ARHGEF28: variants seen among roughly 807,000 people sequenced by gnomAD.
ARHGEF28 encodes the protein Rho guanine nucleotide exchange factor 28.
Under a neutral mutation model 206.6 loss-of-function variants are expected in ARHGEF28, and 152 were observed. The ratio of observed to expected loss-of-function variants is 0.74; its 90% CI spans 0.64 to 0.84. The LOEUF (loss-of-function observed/expected upper bound fraction) is 0.84, where lower values mean the gene tolerates loss of function less well. Among genes scored for constraint, ARHGEF28 ranks in the 40% least tolerant of loss-of-function variants. The pLI is 0.00. For synonymous variants in ARHGEF28, 763 were observed against 776.4 expected, an observed-to-expected ratio of 0.98 and a Z score of 0.29; for missense variants, 2,028 against 2,073.2, an observed-to-expected ratio of 0.98 and a Z score of 0.42.
chr5:73,673,084 G>A (rs1335709555), intron 1 of ARHGEF28, among the ~76,000 whole-genome samples: 1 of 152,148 alleles, frequency 6.6e-6, no homozygotes, highest in Non-Finnish European at 1.5e-5. Flanking sequence ...GCATAACTCA[G>A]GTAGATAACT....
intron 2 of ARHGEF28, among the ~76,000 whole-genome samples, chr5:73,747,759 T>A (rs1561375538): frequency 2.0e-5 from 3 of 152,202 alleles, no homozygotes; most frequent in Non-Finnish European, 4.4e-5. Context: ...TTAATGGGCA[T>A]GTCTTATTAC....
At chr5:73,643,149 G>A (rs1744228487) in intron 1 of ARHGEF28, among the ~76,000 whole-genome samples, 1 of 152,190 alleles carries the variant, frequency 6.6e-6, no homozygotes, top group African/African-American at 2.4e-5. Flanking sequence ...TTTGAAATAA[G>A]CAATGGTAAC....
chr5:73,706,306 T>TG (rs1211737117), intron 2 of ARHGEF28, among the ~76,000 whole-genome samples: 1 of 152,122 alleles, frequency 6.6e-6, no homozygotes, highest in Non-Finnish European at 1.5e-5. Context: ...ATCACACCGC[T>TG]GCACTCCAGC....
chr5:73,912,715 G>A, intron 35 of ARHGEF28, among the ~76,000 whole-genome samples: 1 of 152,160 alleles, frequency 6.6e-6, no homozygotes, highest in Non-Finnish European at 1.5e-5. Context: ...GAATCGTTCA[G>A]ATTAAATAAA....
At chr5:73,830,215 A>T (rs1343451549) in intron 9 of ARHGEF28, among the ~76,000 whole-genome samples, 1 of 152,170 alleles carries the variant, frequency 6.6e-6, no homozygotes, top group African/African-American at 2.4e-5. Context: ...TTATGGGGAA[A>T]ATTCTGATTT....
chr5:73,773,824 AC>A, intron 4 of ARHGEF28, 30 bp from the exon 5 acceptor site: 1 of 1,533,322 alleles, frequency 6.5e-7, no homozygotes, highest in Non-Finnish European at 8.8e-7. Flanking sequence ...AAATGGAGGA[AC>A]TAATATGGTA....
intron 9 of ARHGEF28, 77 bp from the exon 10 acceptor site, chr5:73,832,261 G>T: frequency 2.6e-6 from 4 of 1,512,324 alleles, no homozygotes; most frequent in Admixed American, 4.3e-5. Flanking sequence ...TTTTTCTTAT[G>T]GTCTAAGAAG....
Position 73,833,079 on chromosome 5 carries a change from G to T in ARHGEF28, c.1146+620G>T, listed in dbSNP as rs560687813. Among the ~76,000 whole-genome samples the T allele has an allele frequency of 2.0e-5, 3 of 152,238 alleles. No individual in the cohort carries two copies. In the South Asian group the frequency reaches 6.2e-4, roughly 32 times the overall value. ...GGTTTGAATGTGCTGGCATCTTCTT[G>T]TCTTTTGTTCTTTTCTCTAGCTCAG... On this transcript the variant is annotated intron_variant, in intron 10 of 35. Transcript: ENST00000513042.
intron 2 of ARHGEF28, among the ~76,000 whole-genome samples, chr5:73,743,816 T>C (rs1398477880): frequency 3.9e-5 from 6 of 152,318 alleles, no homozygotes; most frequent in Middle Eastern, 3.4e-3. Flanking sequence ...CGTATCTATC[T>C]GTAGATTTCA....
intron 11 of ARHGEF28, among the ~76,000 whole-genome samples, chr5:73,845,168 C>A (rs77645114): frequency 0.036 from 5,548 of 152,012 alleles, 129 homozygotes; most frequent in African/African-American, 0.043. Context: ...CAGGTGCCTG[C>A]CACAACAGCC....
chr5:73,778,446 CA>C (rs1753657467), intron 6 of ARHGEF28, among the ~76,000 whole-genome samples: 1 of 152,124 alleles, frequency 6.6e-6, no homozygotes, highest in Non-Finnish European at 1.5e-5. Context: ...TTTATAATCA[CA>C]AAGGCCAAAT....
Position 73,904,126 on chromosome 5 carries a change from A to G in ARHGEF28, c.4075-96A>G. The G allele has an allele frequency of 4.9e-6, 6 of 1,224,426 alleles. No homozygotes were observed. In the South Asian group the frequency reaches 6.4e-5, roughly 13 times the overall value. The allele number at this position is 1,224,426 out of a possible 1,614,324, so 75.8% of individuals were successfully genotyped here. ...AAGGTAATCAAGTTTAGAGATAGCA[A>G]AGTGATTTACCCAAGGTCATACATT... is the stretch of plus-strand genomic sequence containing the variant. On this transcript the variant is annotated intron_variant, in intron 31 of 35. Coordinates refer to ENST00000513042, the MANE Select transcript of ARHGEF28 (RefSeq NM_001177693.2).
At chr5:73,902,755 A>C (rs1191311135) in intron 31 of ARHGEF28, 1 of 152,244 alleles carries the variant, frequency 6.6e-6, no homozygotes, top group East Asian at 1.9e-4. Context: ...GTGGCAGAAC[A>C]ACTCCATTAA....
chr5:73,871,483 A>C (rs2112640466), intron 21 of ARHGEF28, among the ~76,000 whole-genome samples: 1 of 152,328 alleles, frequency 6.6e-6, no homozygotes, highest in East Asian at 1.9e-4. Context: ...CATGGCTGAT[A>C]TTTAAGGTTC....
intron 35 of ARHGEF28, among the ~76,000 whole-genome samples, chr5:73,933,096 C>A (rs1018617410): frequency 2.6e-5 from 4 of 152,112 alleles, no homozygotes; most frequent in Non-Finnish European, 5.9e-5. Context: ...AGGCGTGAGC[C>A]ACCGTGCCCG....
At chr5:73,792,436 T>C (rs1326582276) in intron 7 of ARHGEF28, among the ~76,000 whole-genome samples, 1 of 152,186 alleles carries the variant, frequency 6.6e-6, no homozygotes, top group Admixed American at 6.5e-5. Context: ...CCATTAGCAA[T>C]CTGGATAAAA....
chr5:73,765,895 G>A (rs1752867261), intron 4 of ARHGEF28, among the ~76,000 whole-genome samples: 2 of 152,198 alleles, frequency 1.3e-5, no homozygotes, highest in South Asian at 4.1e-4. Flanking sequence ...GCTCACGCCT[G>A]TAATCCCAGC....
intron 7 of ARHGEF28, among the ~76,000 whole-genome samples, chr5:73,782,949 T>C (rs1753933726): frequency 6.6e-6 from 1 of 152,218 alleles, no homozygotes; most frequent in South Asian, 2.1e-4. Flanking sequence ...CCTCTGCCCT[T>C]ACTTTTTCTT....
intron 10 of ARHGEF28, among the ~76,000 whole-genome samples, chr5:73,833,707 T>C (rs1299595956): frequency 6.6e-6 from 1 of 151,976 alleles, no homozygotes; most frequent in Non-Finnish European, 1.5e-5. Flanking sequence ...AGAAAAGAGG[T>C]TTAATTGACT....
Sources: gnomAD v4.1 joint callset for allele counts (sites outside exome capture counted in the v4.1 genomes callset) on GRCh38, gnomAD v4.1.1 for gene constraint, MANE v1.5 for transcripts, NCBI Gene and HGNC (gene_info 2026-07-23, HGNC 2026-07-21) for gene names.